The following FBN1 variants were observed in gnomAD, a reference collection of about 807,000 sequenced individuals.
The protein encoded by FBN1 is fibrillin-1.
A neutral mutation model predicts 365.1 loss-of-function variants in FBN1; 29 were observed. The ratio of observed to expected loss-of-function variants is 0.08; its 90% CI spans 0.06 to 0.11. FBN1 has a LOEUF of 0.11. FBN1 is among the 10% of genes least tolerant of loss of function. The probability of loss-of-function intolerance (pLI) is 1.00; values close to 1 mark genes in which losing one functional copy is unlikely to be tolerated. For synonymous variants in FBN1, 1,210 were observed against 1,270.5 expected, an observed-to-expected ratio of 0.95 and a Z score of 1.01; for missense variants, 2,476 against 3,703.2, an observed-to-expected ratio of 0.67 and a Z score of 8.60.
At chr15:48,414,510 G>A (rs980785131) in intron 64 of FBN1, among the ~76,000 whole-genome samples, 4 of 152,124 alleles carry the variant, frequency 2.6e-5, no homozygotes, top group Non-Finnish European at 5.9e-5. Flanking sequence ...CTAAAACTAG[G>A]TGGACACCCG....
At chr15:48,521,519 T>C (rs1453686968) in intron 9 of FBN1, among the ~76,000 whole-genome samples, 1 of 152,244 alleles carries the variant, frequency 6.6e-6, no homozygotes, top group East Asian at 1.9e-4. Context: ...TTGTTGTTTT[T>C]GGCAGAAAGT....
At chr15:48,558,290 A>G (rs972945685) in intron 6 of FBN1, among the ~76,000 whole-genome samples, 1 of 152,346 alleles carries the variant, frequency 6.6e-6, no homozygotes, top group African/African-American at 2.4e-5. Context: ...ACACTTGGGT[A>G]TCATTTTGAA....
At chr15:48,459,882 TCACTTA>T (rs2043267964) in intron 43 of FBN1, among the ~76,000 whole-genome samples, 1 of 152,210 alleles carries the variant, frequency 6.6e-6, no homozygotes, top group Non-Finnish European at 1.5e-5. Context: ...TGGTGTGAAG[TCACTTA>T]ACCTGGTCTT....
rs200361998 is a variant in FBN1, at chr15:48,420,843, A to G, written c.7700-37T>C. The G allele has an allele frequency of 2.5e-6, 4 of 1,611,778 alleles. No individual in the cohort carries two copies. In the East Asian group the frequency reaches 8.9e-5, roughly 36 times the overall value. The stretch of plus-strand genomic sequence containing the variant: ...GCAGAGCCACCATGATGCCAACTCA[A>G]CATCTCTCTCTGAAGCCAGATGGAT... On this transcript the variant is annotated intron_variant, in intron 62 of 65. Coordinates refer to ENST00000316623, the MANE Select transcript of FBN1 (RefSeq NM_000138.5).
chr15:48,516,395 C>G (rs764983413), intron 10 of FBN1, 33 bp from the exon 11 acceptor site: 1 of 1,606,484 alleles, frequency 6.2e-7, no homozygotes, highest in African/African-American at 1.3e-5. Context: ...AACACAACAG[C>G]TGAGCTGTAG....
intron 6 of FBN1, among the ~76,000 whole-genome samples, chr15:48,593,547 A>C (rs1362336329): frequency 6.6e-6 from 1 of 152,202 alleles, no homozygotes; most frequent in Non-Finnish European, 1.5e-5. Flanking sequence ...GTTTAGCATG[A>C]AACCAATGAA....
intron 30 of FBN1, among the ~76,000 whole-genome samples, chr15:48,484,949 GAT>G (rs1566908820): frequency 1.3e-5 from 2 of 152,134 alleles, no homozygotes; most frequent in African/African-American, 4.8e-5. Context: ...AAATTCCTGG[GAT>G]CTACCTCAGT....
chr15:48,580,685 C>T (rs1273822767), intron 6 of FBN1, among the ~76,000 whole-genome samples: 1 of 152,150 alleles, frequency 6.6e-6, no homozygotes, highest in Non-Finnish European at 1.5e-5. Flanking sequence ...AGCCAAACTT[C>T]CTTGTGACCA....
intron 11 of FBN1, 116 bp downstream of exon 11, chr15:48,516,067 A>T: frequency 7.4e-6 from 8 of 1,084,420 alleles, no homozygotes; most frequent in Non-Finnish European, 9.5e-6. Flanking sequence ...GTAAACCAAA[A>T]ATTAATATAA....
intron 4 of FBN1, among the ~76,000 whole-genome samples, chr15:48,600,452 C>T (rs1383868090): frequency 2.0e-5 from 3 of 152,162 alleles, no homozygotes; most frequent in African/African-American, 7.2e-5. Flanking sequence ...GCCTGTAATC[C>T]CAACACTTTG....
At chr15:48,498,333 T>C (rs2043625352) in intron 18 of FBN1, among the ~76,000 whole-genome samples, 1 of 152,346 alleles carries the variant, frequency 6.6e-6, no homozygotes, top group African/African-American at 2.4e-5. Flanking sequence ...CTGAATGAAC[T>C]GACAATCAAT....
At chr15:48,600,422 G>A (rs942171442) in intron 4 of FBN1, among the ~76,000 whole-genome samples, 188 bp from the exon 5 acceptor site, 2 of 152,156 alleles carry the variant, frequency 1.3e-5, no homozygotes, top group Admixed American at 1.3e-4. Flanking sequence ...ATCATTTACC[G>A]GCTAGGCGCA....
intron 2 of FBN1, among the ~76,000 whole-genome samples, chr15:48,627,942 A>C (rs530875796): frequency 6.6e-6 from 1 of 152,332 alleles, no homozygotes; most frequent in African/African-American, 2.4e-5. Flanking sequence ...ATGATGTCAA[A>C]ACAGACAGAA....
intron 6 of FBN1, among the ~76,000 whole-genome samples, chr15:48,556,336 C>T (rs1249643110): frequency 6.6e-6 from 1 of 152,194 alleles, no homozygotes; most frequent in Non-Finnish European, 1.5e-5. Context: ...AACCAAGCTT[C>T]AACCATGGCA....
intron 2 of FBN1, among the ~76,000 whole-genome samples, chr15:48,625,430 A>ACGTT (rs1363746462): frequency 2.6e-5 from 4 of 152,152 alleles, no homozygotes; most frequent in Non-Finnish European, 5.9e-5. Flanking sequence ...TGAGAAATGA[A>ACGTT]CACCTTAAAC....
At chr15:48,541,974 C>G (rs968085518) in intron 6 of FBN1, among the ~76,000 whole-genome samples, 2 of 152,336 alleles carry the variant, frequency 1.3e-5, no homozygotes, top group East Asian at 3.9e-4. Flanking sequence ...TTGTTTTTAA[C>G]TGGCTTACTC....
chr15:48,580,139 T>C lies in FBN1; in HGVS notation c.538+16144A>G, dbSNP rs1031082189. On this transcript the variant is annotated intron_variant, in intron 6 of 65. Coordinates refer to ENST00000316623, the MANE Select transcript of FBN1 (RefSeq NM_000138.5). The stretch of plus-strand genomic sequence containing the variant: ...TTCCTTGTCCAGTTTTTCCAATTGC[T>C]TCTAAGCCAACAGATCCTCATACCT... 2.8e-4 allele frequency among the ~76,000 whole-genome samples: 42 copies of C among 152,302 alleles called. 1 individual carries two copies. Among genetic ancestry groups the C allele is most frequent in the Admixed American group, 1.2e-3 (19 of 15,294 alleles).
At chr15:48,584,566 C>T (rs534068161) in intron 6 of FBN1, among the ~76,000 whole-genome samples, 14 of 152,316 alleles carry the variant, frequency 9.2e-5, no homozygotes, top group African/African-American at 3.1e-4. Flanking sequence ...GTCCTGGGTA[C>T]ACTCCCAGTT....
chr15:48,611,086 A>T (rs977158275), intron 3 of FBN1, among the ~76,000 whole-genome samples: 9 of 152,150 alleles, frequency 5.9e-5, no homozygotes, highest in African/African-American at 1.9e-4. Context: ...ACAGCACTCA[A>T]TCCATCAGAA....
Sources: gnomAD v4.1 joint callset for allele counts (sites outside exome capture counted in the v4.1 genomes callset) on GRCh38, gnomAD v4.1.1 for gene constraint, MANE v1.5 for transcripts, NCBI Gene and HGNC (gene_info 2026-07-23, HGNC 2026-07-21) for gene names.